Variants in GLIS3 observed in about 807,000 individuals in gnomAD.
The protein encoded by GLIS3 is GLIS family zinc finger 3.
A neutral mutation model predicts 78.6 loss-of-function variants in GLIS3; 53 were observed. The ratio of observed to expected loss-of-function variants is 0.67; its 90% confidence interval spans 0.54 to 0.85. The LOEUF is 0.85. Ranked by LOEUF, GLIS3 falls within the 40% of genes least tolerant of loss-of-function variation. GLIS3 has a pLI of 0.00. For synonymous variants in GLIS3, 684 were observed against 509.9 expected, an observed-to-expected ratio of 1.34 and a Z score of -4.60; for missense variants, 1,703 against 1,231.1, an observed-to-expected ratio of 1.38 and a Z score of -5.74.
In GLIS3 at chr9:4,298,283, G is replaced by A. The variant is rs1462001323; in HGVS notation, c.-99+1138C>T. The A allele has an allele frequency of 9.0e-6, 4 of 444,472 alleles. No homozygotes were observed. In the East Asian group the frequency reaches 3.0e-4, roughly 33 times the overall value. 27.5% of individuals were successfully genotyped at this position (444,472 alleles called of 1,614,324 possible). A position where few individuals can be genotyped will look rare whatever the true frequency, so the allele number is the denominator to read the frequency against. On this transcript the variant is annotated intron_variant, in intron 1 of 10. Transcript: ENST00000381971. ...CCCGCCGAGCCAGTGTCCTCACCCT[G>A]TGGTTTCCTTTCGCTTCTCGCCTCC...
chr9:4,349,223 AG>A (rs1817931517), upstream of GLIS3, among the ~76,000 whole-genome samples: 1 of 152,242 alleles, frequency 6.6e-6, no homozygotes, highest in African/African-American at 2.4e-5. Flanking sequence ...AGTTTATGAT[AG>A]GTGTTGTCAG....
intron 4 of GLIS3, among the ~76,000 whole-genome samples, chr9:4,006,024 C>A (rs565700196): frequency 6.6e-6 from 1 of 152,220 alleles, no homozygotes; most frequent in Admixed American, 6.5e-5. Flanking sequence ...CCACACAGGC[C>A]CTTCCTTACC....
chr9:3,845,641 T>C lies in GLIS3; in HGVS notation c.2473+10368A>G, dbSNP rs566356856. 3.3e-5 allele frequency among the ~76,000 whole-genome samples: 5 copies of C among 152,300 alleles called. No homozygotes were observed. The East Asian group carries it at 9.6e-4, about 29-fold the overall frequency. ...GGAACCCAGGTTTGTTGATTTATAA[T>C]AGTAATTAGGCTTCCAAAGTTTCCC... On this transcript the variant is annotated intron_variant, in intron 9 of 10. Coordinates refer to ENST00000381971, the MANE Select transcript of GLIS3 (RefSeq NM_001042413.2).
At chr9:4,363,858 A>G in the GLIS3 span, among the ~76,000 whole-genome samples, 48 of 152,338 alleles carry the variant, frequency 3.2e-4, 1 homozygote, top group Admixed American at 2.7e-3. Flanking sequence ...GTTGAAGTTA[A>G]TGAGCTGGGT....
intron 2 of GLIS3, among the ~76,000 whole-genome samples, chr9:4,338,006 C>A (rs1008235402): frequency 1.3e-5 from 2 of 150,370 alleles, no homozygotes; most frequent in African/African-American, 4.9e-5. Flanking sequence ...TAATGTCTAA[C>A]TGGTAAGATT....
At chr9:4,303,078 C>T (rs141517616), upstream of GLIS3, among the ~76,000 whole-genome samples, 64 of 152,272 alleles carry the variant, frequency 4.2e-4, no homozygotes, top group African/African-American at 1.5e-3. Flanking sequence ...ATCCTGACAG[C>T]AAAACTTCAG....
chr9:4,140,911 G>C (rs1214084485), intron 2 of GLIS3, among the ~76,000 whole-genome samples: 1 of 151,714 alleles, frequency 6.6e-6, no homozygotes. Context: ...CGATTCTCCT[G>C]CCTCAGCCTC....
intron 4 of GLIS3, among the ~76,000 whole-genome samples, chr9:3,955,092 C>T (rs1046281777): frequency 6.6e-6 from 1 of 152,126 alleles, no homozygotes; most frequent in African/African-American, 2.4e-5. Context: ...AGAGCATAGG[C>T]TGGAGTTAGT....
chr9:4,102,392 A>T (rs1254777277), intron 4 of GLIS3, among the ~76,000 whole-genome samples: 2 of 152,152 alleles, frequency 1.3e-5, no homozygotes, highest in African/African-American at 4.8e-5. Context: ...TCTCAGAATA[A>T]CGGCCCTGTC....
At chr9:4,380,145 T>C in the GLIS3 span, among the ~76,000 whole-genome samples, 4 of 152,250 alleles carry the variant, frequency 2.6e-5, no homozygotes, top group African/African-American at 4.8e-5. Flanking sequence ...CTTGGCTGTA[T>C]ACAGCTAGGA....
intron 6 of GLIS3, among the ~76,000 whole-genome samples, chr9:3,928,748 T>C (rs1383543236): frequency 6.6e-6 from 1 of 152,232 alleles, no homozygotes; most frequent in Non-Finnish European, 1.5e-5. Flanking sequence ...CAGCCTGTTT[T>C]GAGGTCACAA....
the GLIS3 span, among the ~76,000 whole-genome samples, chr9:4,444,956 G>A: frequency 1.1e-3 from 168 of 152,242 alleles, no homozygotes; most frequent in African/African-American, 3.7e-3. Flanking sequence ...AAAAATATAC[G>A]ACTATTTTTT....
the GLIS3 span, among the ~76,000 whole-genome samples, chr9:4,483,879 T>C: frequency 1.1e-4 from 17 of 152,188 alleles, no homozygotes; most frequent in Admixed American, 9.8e-4. Context: ...AAGATAATGA[T>C]GATAAGCCAT....
intron 4 of GLIS3, among the ~76,000 whole-genome samples, chr9:4,083,263 T>G (rs117296258): frequency 6.6e-6 from 1 of 152,284 alleles, no homozygotes; most frequent in African/African-American, 2.4e-5. Context: ...TGGGCAGCAA[T>G]AGAGCACAAA....
At chr9:3,992,164 G>A (rs1820365254) in intron 4 of GLIS3, among the ~76,000 whole-genome samples, 1 of 152,202 alleles carries the variant, frequency 6.6e-6, no homozygotes, top group South Asian at 2.1e-4. Context: ...ATGTTAGAAT[G>A]TAACATTTGG....
chr9:4,103,900 C>A (rs897214248), intron 4 of GLIS3, among the ~76,000 whole-genome samples: 1 of 152,096 alleles, frequency 6.6e-6, no homozygotes, highest in African/African-American at 2.4e-5. Flanking sequence ...TGCAATTCTC[C>A]TTGATACATC....
At chr9:3,982,093 A>G (rs1819341280) in intron 4 of GLIS3, among the ~76,000 whole-genome samples, 1 of 152,172 alleles carries the variant, frequency 6.6e-6, no homozygotes, top group African/African-American at 2.4e-5. Flanking sequence ...TGCTGTTTCC[A>G]CATAGTGCTA....
At chr9:4,285,030 C>T (rs1366290659) in intron 2 of GLIS3, among the ~76,000 whole-genome samples, 1 of 152,112 alleles carries the variant, frequency 6.6e-6, no homozygotes, top group Non-Finnish European at 1.5e-5. Context: ...TCTAAAACAA[C>T]TTTTTGGCTA....
chr9:4,328,341 C>G (rs1817632571), intron 2 of GLIS3, among the ~76,000 whole-genome samples: 1 of 152,196 alleles, frequency 6.6e-6, no homozygotes, highest in African/African-American at 2.4e-5. Context: ...TTGAACAAAA[C>G]CAGAACCCAC....
Sources: gnomAD v4.1 joint callset for allele counts (sites outside exome capture counted in the v4.1 genomes callset) on GRCh38, gnomAD v4.1.1 for gene constraint, MANE v1.5 for transcripts, NCBI Gene and HGNC (gene_info 2026-07-23, HGNC 2026-07-21) for gene names.